The following TP53BP1 variants were observed in gnomAD, a reference collection of about 807,000 sequenced individuals.
The protein encoded by TP53BP1 is TP53-binding protein 1.
Under a neutral mutation model 200.8 loss-of-function variants are expected in TP53BP1, and 61 were observed. The observed-to-expected ratio is 0.30, with a 90% CI of 0.25 to 0.38. The LOEUF (loss-of-function observed/expected upper bound fraction) is 0.38. TP53BP1 is among the 10% of genes least tolerant of loss of function. The pLI, the probability that TP53BP1 is intolerant of heterozygous loss-of-function variation, is 1.00. For missense variants in TP53BP1, 2,144 were observed against 2,371.9 expected, an observed-to-expected ratio of 0.90 and a Z score of 2.00; for synonymous variants, 822 against 844.3, an observed-to-expected ratio of 0.97 and a Z score of 0.46.
At chr15:43,451,603 G>A (rs1189081686) in intron 12 of TP53BP1, among the ~76,000 whole-genome samples, 1 of 152,148 alleles carries the variant, frequency 6.6e-6, no homozygotes, top group East Asian at 1.9e-4. Context: ...ATTTGGGATG[G>A]TTCCAAGTCT....
rs892228690 is a variant in TP53BP1 at position 43,479,658 on chromosome 15, T to C, written c.659-132A>G. 5.9e-6 allele frequency: 7 copies of C among 1,177,584 alleles called. No homozygotes were observed. The African/African-American group carries it at 7.8e-5, about 13-fold the overall frequency. 72.9% of individuals were successfully genotyped at this position (1,177,584 alleles called of 1,614,324 possible). A position where few individuals can be genotyped will look rare whatever the true frequency, so the allele number is the denominator to read the frequency against. ...TAAAATATATACAGGCATCAGTCTA[T>C]AAAGGAAAGTAACCAATAACTTAAA... is the stretch of plus-strand genomic sequence containing the variant. On this transcript the variant is annotated intron_variant, in intron 6 of 27. Coordinates refer to ENST00000382044, the MANE Select transcript of TP53BP1 (RefSeq NM_001141980.3).
chr15:43,485,294 T>C (rs2079029630), intron 4 of TP53BP1, among the ~76,000 whole-genome samples: 1 of 152,130 alleles, frequency 6.6e-6, no homozygotes, highest in South Asian at 2.1e-4. Context: ...AGAAGGTACT[T>C]TGGCCGGGCA....
In TP53BP1 at chr15:43,407,105, C is replaced by T. The variant is rs2242067; in HGVS notation, c.*278G>A. 0.17 allele frequency: 56,779 copies of T among 331,622 alleles called. 8,254 individuals are homozygous for T. The highest frequency in any genetic ancestry group is 0.49 in the African/African-American group (23,321 of 47,582). 20.5% of individuals were successfully genotyped at this position (331,622 alleles called of 1,614,324 possible). On this transcript the variant is annotated 3_prime_UTR_variant, in exon 28 of 28. Transcript: ENST00000382044. The stretch of plus-strand genomic sequence containing the variant: ...ACTCTTAACTTTTCAATTTCCTTGG[C>T]CAGCTGTCCTCCGTAAGTGAATAAG...
intron 21 of TP53BP1, among the ~76,000 whole-genome samples, chr15:43,417,664 C>T (rs1047090178): frequency 5.9e-5 from 9 of 152,156 alleles, no homozygotes; most frequent in African/African-American, 2.2e-4. Context: ...CTAAGAGTAG[C>T]TTTACACCTG....
chr15:43,490,324 G>A (rs916650638), intron 4 of TP53BP1, among the ~76,000 whole-genome samples: 4 of 151,928 alleles, frequency 2.6e-5, no homozygotes, highest in Admixed American at 6.6e-5. Flanking sequence ...CTGACCTCAG[G>A]TGATCCGCCC....
At chr15:43,501,341 G>A (rs1263671399) in intron 1 of TP53BP1, among the ~76,000 whole-genome samples, 3 of 151,264 alleles carry the variant, frequency 2.0e-5, no homozygotes, top group African/African-American at 4.9e-5. Context: ...CAGTCTCCTC[G>A]GGGCTGGGAC....
At chr15:43,435,284 A>C (rs2045767457) in intron 16 of TP53BP1, among the ~76,000 whole-genome samples, 1 of 151,326 alleles carries the variant, frequency 6.6e-6, no homozygotes, top group South Asian at 2.1e-4. Flanking sequence ...AAAAAAAAAA[A>C]AAAAAAAATC....
At chr15:43,466,622 CA>C (rs112714680) in intron 11 of TP53BP1, among the ~76,000 whole-genome samples, 90 of 152,194 alleles carry the variant, frequency 5.9e-4, no homozygotes, top group African/African-American at 2.1e-3. Flanking sequence ...TTTGGGAGGC[CA>C]AGGCAGGAGG....
chr15:43,477,796 A>T lies in TP53BP1; in HGVS notation c.789-37T>A. 3 of 1,444,824 alleles carry T rather than the reference A, an allele frequency of 2.1e-6. No homozygotes were observed. In the East Asian group the frequency reaches 7.3e-5, roughly 35 times the overall value. 89.5% of individuals were successfully genotyped at this position (1,444,824 alleles called of 1,614,324 possible). A position where few individuals can be genotyped will look rare whatever the true frequency, so the allele number is the denominator to read the frequency against. On this transcript the variant is annotated intron_variant, in intron 7 of 27. Coordinates refer to ENST00000382044, the MANE Select transcript of TP53BP1 (RefSeq NM_001141980.3). Reference sequence around the variant, plus strand: ...ATATCACCAGGAGAAAAAGTTCCTAAGTTCAAATGTTTTTAAATAAAAAGC... The same window carrying T: ...ATATCACCAGGAGAAAAAGTTCCTATGTTCAAATGTTTTTAAATAAAAAGC...
At chr15:43,429,976 A>G (rs1326926871) in intron 17 of TP53BP1, among the ~76,000 whole-genome samples, 1 of 152,222 alleles carries the variant, frequency 6.6e-6, no homozygotes, top group Non-Finnish European at 1.5e-5. Context: ...TACAACAGCC[A>G]TATGAATGAT....
intron 11 of TP53BP1, 113 bp from the exon 12 acceptor site, chr15:43,457,331 T>C (rs2143010605): frequency 9.9e-7 from 1 of 1,006,430 alleles, no homozygotes; most frequent in Middle Eastern, 3.3e-4. Context: ...AATCAAATTT[T>C]TAAATTCATA....
At chr15:43,504,130 A>C (rs1461212705) in intron 1 of TP53BP1, among the ~76,000 whole-genome samples, 2 of 152,068 alleles carry the variant, frequency 1.3e-5, no homozygotes, top group Non-Finnish European at 2.9e-5. Context: ...CATCTCTACA[A>C]ATCAATCAAT....
At position 43,474,781 on chromosome 15, in the gene TP53BP1, G is replaced by C; in HGVS notation, c.1086-14C>G. 1 of 1,561,402 alleles carries C rather than the reference G, an allele frequency of 6.4e-7. No homozygotes were observed. The highest frequency in any genetic ancestry group is 8.8e-7 in the Non-Finnish European group (1 of 1,133,782). On this transcript the variant is annotated splice_polypyrimidine_tract_variant and intron_variant, in intron 9 of 27. Transcript: ENST00000382044. ...TCTGAAGAATTCCTTTATATAAAGA[G>C]AGAATCACAGGTTATTTTACCATAG...
In TP53BP1 at chr15:43,432,363, G is replaced by A. The variant is rs2045691388; in HGVS notation, c.3506C>T (p.Pro1169Leu). ...IQTMECSLRVPETVSAATQTI... is the reference protein window; with the variant it reads ...IQTMECSLRVLETVSAATQTI... ...CTGGGTTGCTGCTGAAACAGTTTCT[G>A]GGACCCTCAAGGAACACTCCATGGT... is the stretch of plus-strand genomic sequence containing the variant. The change falls in exon 17 of 28, where the codon CCA becomes CTA. Residue 1169 changes from proline to leucine, a missense_variant. This residue lies in a region of TP53BP1 where 1,700 missense variants were observed against 1,710.3 expected (regional missense o/e 0.99). Coordinates refer to ENST00000382044, the MANE Select transcript of TP53BP1 (RefSeq NM_001141980.3). 3 of 1,614,102 alleles carry A rather than the reference G, an allele frequency of 1.9e-6. No homozygotes were observed. The highest frequency in any genetic ancestry group is 2.7e-5 in the African/African-American group (2 of 75,026).
At chr15:43,434,588 C>G (rs544556224) in intron 16 of TP53BP1, among the ~76,000 whole-genome samples, 2 of 152,216 alleles carry the variant, frequency 1.3e-5, no homozygotes, top group Admixed American at 1.3e-4. Flanking sequence ...GGTTAGTGCC[C>G]TTATAAAAGA....
At position 43,409,636 on chromosome 15, in the gene TP53BP1, A is replaced by T; in HGVS notation, c.5400+11T>A. The T allele has an allele frequency of 4.0e-6, 6 of 1,488,430 alleles. No individual in the cohort carries two copies. The highest frequency in any genetic ancestry group is 1.3e-5 in the South Asian group (1 of 75,230). 92.2% of individuals were successfully genotyped at this position (1,488,430 alleles called of 1,614,324 possible). On this transcript the variant is annotated intron_variant, in intron 25 of 27. Coordinates refer to ENST00000382044, the MANE Select transcript of TP53BP1 (RefSeq NM_001141980.3). The stretch of plus-strand genomic sequence containing the variant: ...TGCCACTATATTAGGTTACACAAAG[A>T]AACTCCTCACCTGGGCTTCATTGAA...
chr15:43,482,838 G>A (rs2078993289), intron 4 of TP53BP1, among the ~76,000 whole-genome samples: 1 of 152,130 alleles, frequency 6.6e-6, no homozygotes, highest in Non-Finnish European at 1.5e-5. Context: ...GCTGAAGCAG[G>A]AGAATCGCTT....
chr15:43,492,366 A>G lies in TP53BP1; in HGVS notation c.110T>C (p.Leu37Pro). The G allele has an allele frequency of 6.2e-7, 1 of 1,614,158 alleles. No individual in the cohort carries two copies. Reference sequence around the variant, plus strand: ...GAAGTGAGAACCAGAATCATCCTCTAGAACCTGGCTTTCAGGCTGAGAATC... The same window carrying G: ...GAAGTGAGAACCAGAATCATCCTCTGGAACCTGGCTTTCAGGCTGAGAATC... ...IEDSQPESQV[L>P]EDDSGSHFSM... Residue 37 changes from leucine to proline, a missense_variant, in exon 2 of 28, where the codon CTA becomes CCA. By Grantham distance (98) the Leu-to-Pro change is moderately conservative. Transcript: ENST00000382044.
intron 4 of TP53BP1, among the ~76,000 whole-genome samples, chr15:43,491,364 A>G (rs2079120062): frequency 6.6e-6 from 1 of 152,176 alleles, no homozygotes; most frequent in Admixed American, 6.6e-5. Flanking sequence ...TACAGGCATG[A>G]GCCACCATGC....
Sources: gnomAD v4.1 joint callset for allele counts (sites outside exome capture counted in the v4.1 genomes callset) on GRCh38, gnomAD v4.1.1 for gene constraint, gnomAD v4.1.1 regional missense constraint, MANE v1.5 for transcripts, NCBI Gene and HGNC (gene_info 2026-07-23, HGNC 2026-07-21) for gene names.